RNF169: variants seen among roughly 807,000 people sequenced by gnomAD.
RNF169 encodes E3 ubiquitin-protein ligase RNF169.
In RNF169, 24 loss-of-function variants were observed where a neutral mutation model predicts 53.9. The ratio of observed to expected loss-of-function variants is 0.45; its 90% CI spans 0.32 to 0.63. RNF169 has a LOEUF of 0.63. Among genes scored for constraint, RNF169 ranks in the 20% least tolerant of loss-of-function variants. The pLI, the probability that RNF169 is intolerant of heterozygous loss-of-function variation, is 0.04. For missense variants in RNF169, 883 were observed against 906.2 expected, an observed-to-expected ratio of 0.97 and a Z score of 0.33; for synonymous variants, 396 against 363.5, an observed-to-expected ratio of 1.09 and a Z score of -1.02.
chr11:74,790,928 T>C (rs2035569786), intron 2 of RNF169, among the ~76,000 whole-genome samples: 2 of 152,208 alleles, frequency 1.3e-5, no homozygotes, highest in African/African-American at 4.8e-5. Context: ...GCCCACAACA[T>C]GGTGAGTGAG....
At chr11:74,783,793 A>G (rs971944315) in intron 1 of RNF169, among the ~76,000 whole-genome samples, 22 of 152,204 alleles carry the variant, frequency 1.4e-4, no homozygotes, top group Non-Finnish European at 3.2e-4. Flanking sequence ...CAGGAAGGAA[A>G]GGGAAGTAAA....
chr11:74,801,721 A>T (rs540794621), intron 2 of RNF169, among the ~76,000 whole-genome samples: 4 of 152,258 alleles, frequency 2.6e-5, no homozygotes, highest in East Asian at 1.9e-4. Context: ...CTGATGTGGG[A>T]GGATCACTGG....
intron 1 of RNF169, among the ~76,000 whole-genome samples, chr11:74,788,468 C>T (rs1304228438): frequency 1.3e-5 from 2 of 152,194 alleles, no homozygotes; most frequent in Non-Finnish European, 2.9e-5. Flanking sequence ...TCTCGACTCA[C>T]TGCAACTTCT....
chr11:74,802,930 G>A (rs573431375), intron 2 of RNF169, among the ~76,000 whole-genome samples: 5 of 151,402 alleles, frequency 3.3e-5, no homozygotes, highest in East Asian at 1.9e-4. Flanking sequence ...TTTTTTTTGG[G>A]GGGGGGTGGG....
chr11:74,804,792 A>G (rs2035781655), intron 2 of RNF169, among the ~76,000 whole-genome samples: 1 of 152,176 alleles, frequency 6.6e-6, no homozygotes, highest in African/African-American at 2.4e-5. Flanking sequence ...GAACCTATGG[A>G]CGACGTTAAG....
intron 1 of RNF169, among the ~76,000 whole-genome samples, chr11:74,787,446 A>G (rs1228845644): frequency 6.6e-6 from 1 of 152,242 alleles, no homozygotes; most frequent in East Asian, 1.9e-4. Context: ...ATAAAATGCA[A>G]AATTTCATCT....
At chr11:74,825,717 T>C (rs896004904) in intron 4 of RNF169, among the ~76,000 whole-genome samples, 5 of 152,188 alleles carry the variant, frequency 3.3e-5, no homozygotes, top group African/African-American at 1.2e-4. Flanking sequence ...TTCAGGCCAA[T>C]ATCCTTGATA....
chr11:74,823,844 T>C (rs1262685101), intron 4 of RNF169, among the ~76,000 whole-genome samples: 2 of 151,740 alleles, frequency 1.3e-5, no homozygotes, highest in African/African-American at 4.8e-5. Context: ...AGAGAATTCA[T>C]TGGCCACATA....
At chr11:74,751,037 A>C (rs2034886646) in intron 1 of RNF169, among the ~76,000 whole-genome samples, 1 of 151,450 alleles carries the variant, frequency 6.6e-6, no homozygotes, top group Non-Finnish European at 1.5e-5. Flanking sequence ...CACCCTGCTA[A>C]TTTTTGTAAT....
intron 2 of RNF169, among the ~76,000 whole-genome samples, chr11:74,799,049 G>A (rs542887699): frequency 3.8e-4 from 52 of 137,332 alleles, no homozygotes; most frequent in Non-Finnish European, 6.6e-4. Flanking sequence ...GCAAGACCCC[G>A]TCTCAAAAAA....
intron 1 of RNF169, among the ~76,000 whole-genome samples, chr11:74,755,704 G>C (rs2034971529): frequency 6.6e-6 from 1 of 152,204 alleles, no homozygotes; most frequent in Non-Finnish European, 1.5e-5. Flanking sequence ...GAAAGAGTAG[G>C]AATTCACCAG....
intron 1 of RNF169, among the ~76,000 whole-genome samples, chr11:74,764,614 A>G (rs962532889): frequency 1.3e-5 from 2 of 152,266 alleles, no homozygotes; most frequent in African/African-American, 2.4e-5. Context: ...TATAAACCTA[A>G]AGCATATAGT....
intron 1 of RNF169, among the ~76,000 whole-genome samples, chr11:74,752,234 A>G (rs1188798737): frequency 6.7e-6 from 1 of 149,932 alleles, no homozygotes; most frequent in Non-Finnish European, 1.5e-5. Flanking sequence ...GTCTTAAAAA[A>G]AAAAAAAAAA....
chr11:74,777,484 C>T (rs1397268853), intron 1 of RNF169, among the ~76,000 whole-genome samples: 1 of 152,126 alleles, frequency 6.6e-6, no homozygotes, highest in African/African-American at 2.4e-5. Context: ...TCTGTGACCT[C>T]CTTTATCATG....
chr11:74,796,425 T>C (rs973691194), intron 2 of RNF169, among the ~76,000 whole-genome samples: 1 of 152,234 alleles, frequency 6.6e-6, no homozygotes, highest in Admixed American at 6.5e-5. Context: ...TTGATATCTT[T>C]TAATGTTTTC....
intron 1 of RNF169, among the ~76,000 whole-genome samples, chr11:74,757,137 T>C (rs1184692844): frequency 9.8e-6 from 1 of 102,408 alleles, no homozygotes; most frequent in Admixed American, 1.0e-4. Flanking sequence ...CCCAATGCTA[T>C]CCCTCCCCCC....
intron 1 of RNF169, among the ~76,000 whole-genome samples, chr11:74,751,043 G>T (rs1477791019): frequency 1.3e-5 from 2 of 151,730 alleles, no homozygotes; most frequent in Non-Finnish European, 2.9e-5. Flanking sequence ...GCTAATTTTT[G>T]TAATTTTAGT....
chr11:74,767,771 G>T (rs1488641069), intron 1 of RNF169, among the ~76,000 whole-genome samples: 1 of 151,766 alleles, frequency 6.6e-6, no homozygotes, highest in Non-Finnish European at 1.5e-5. Flanking sequence ...TAGAGACGGG[G>T]TTTCACCGTG....
At chr11:74,832,284 G>T (rs2036190736) in intron 4 of RNF169, 1 of 151,056 alleles carries the variant, frequency 6.6e-6, no homozygotes, top group African/African-American at 2.4e-5. Flanking sequence ...ATTTTAGATT[G>T]TCAGAATTTT....
Sources: allele counts gnomAD v4.1 joint callset (sites outside exome capture counted in the v4.1 genomes callset), GRCh38; gene constraint gnomAD v4.1.1; transcripts MANE v1.5; gene names NCBI Gene and HGNC (gene_info 2026-07-23, HGNC 2026-07-21).